RAB27B: variants seen among roughly 807,000 people sequenced by gnomAD.
RAB27B encodes the protein RAB27B, member RAS oncogene family.
Under a neutral mutation model 24.6 loss-of-function variants are expected in RAB27B, and 15 were observed. That is an observed-to-expected ratio of 0.61 (90% CI 0.41 to 0.94). The LOEUF is 0.94. Ranked by LOEUF, RAB27B falls within the 40% of genes least tolerant of loss-of-function variation. The pLI is 0.00. For synonymous variants in RAB27B, 105 were observed against 92.5 expected, an observed-to-expected ratio of 1.14 and a Z score of -0.78; for missense variants, 261 against 266.8, an observed-to-expected ratio of 0.98 and a Z score of 0.15.
chr18:54,850,898 T>C (rs1424289411), intron 1 of RAB27B, among the ~76,000 whole-genome samples: 1 of 151,996 alleles, frequency 6.6e-6, no homozygotes, highest in Non-Finnish European at 1.5e-5. Flanking sequence ...AAAAGGGCTG[T>C]GGATTTTGAC....
chr18:54,893,121 G>A lies in RAB27B; in HGVS notation c.*3708G>A, dbSNP rs1568120933. ...CTGGTGCAGTGGTGAGTTAATCATAGTGTATAACCTTGTGTTCATGAAACA... is the reference window on the plus strand; with the variant it reads ...CTGGTGCAGTGGTGAGTTAATCATAATGTATAACCTTGTGTTCATGAAACA... On this transcript the variant is annotated 3_prime_UTR_variant, in exon 6 of 6. Coordinates refer to ENST00000262094, the MANE Select transcript of RAB27B (RefSeq NM_004163.4). 1 of 152,020 alleles carries A rather than the reference G, an allele frequency of 6.6e-6. No individual in the cohort carries two copies. Among genetic ancestry groups the A allele is most frequent in the Non-Finnish European group, 1.5e-5 (1 of 67,926 alleles). The allele number at this position is 152,020 out of a possible 1,614,324, so 9.4% of individuals were successfully genotyped here.
intron 1 of RAB27B, among the ~76,000 whole-genome samples, chr18:54,861,670 A>G (rs1393466446): frequency 6.6e-6 from 1 of 152,220 alleles, no homozygotes; most frequent in East Asian, 1.9e-4. Context: ...CCCTGGCTAC[A>G]TGTTGGAATC....
At position 54,891,438 on chromosome 18, in the gene RAB27B, A is replaced by C. The variant is rs765422930; in HGVS notation, c.*2025A>C. The C allele has an allele frequency of 6.6e-6, 1 of 152,048 alleles. No homozygotes were observed. The highest frequency in any genetic ancestry group is 1.9e-4 in the East Asian group (1 of 5,180). The allele number at this position is 152,048 out of a possible 1,614,324, so 9.4% of individuals were successfully genotyped here. On this transcript the variant is annotated 3_prime_UTR_variant, in exon 6 of 6. Transcript: ENST00000262094. Reference sequence around the variant, plus strand: ...TCTTCATTATCTCAATGCCTGTGCCATGAAGATAGAAAACTGTAAGCTAAC... The same window carrying C: ...TCTTCATTATCTCAATGCCTGTGCCCTGAAGATAGAAAACTGTAAGCTAAC...
chr18:54,759,422 T>A (rs1305438585), intron 2 of RAB27B, among the ~76,000 whole-genome samples: 1 of 152,186 alleles, frequency 6.6e-6, no homozygotes, highest in Admixed American at 6.5e-5. Flanking sequence ...AATGAAGGCA[T>A]TCGATGGTGA....
chr18:54,861,286 T>C (rs1911998540), intron 1 of RAB27B, among the ~76,000 whole-genome samples: 2 of 152,256 alleles, frequency 1.3e-5, no homozygotes, highest in African/African-American at 4.8e-5. Flanking sequence ...ATATCTTTAA[T>C]TTAAAACCAA....
chr18:54,776,518 T>C (rs191918698), intron 2 of RAB27B, among the ~76,000 whole-genome samples: 14 of 152,294 alleles, frequency 9.2e-5, no homozygotes, highest in African/African-American at 1.4e-4. Context: ...TTTTAGGAGA[T>C]TGCAAAACCA....
chr18:54,796,728 G>T (rs1324020887), intron 2 of RAB27B, among the ~76,000 whole-genome samples: 1 of 152,206 alleles, frequency 6.6e-6, no homozygotes, highest in South Asian at 2.1e-4. Flanking sequence ...GGGCATGGAA[G>T]GCCAGAGTGG....
At chr18:54,850,330 C>T (rs1911510283) in intron 1 of RAB27B, among the ~76,000 whole-genome samples, 1 of 40,602 alleles carries the variant, frequency 2.5e-5, no homozygotes, top group African/African-American at 1.3e-4. Flanking sequence ...AGCAAACAAA[C>T]AGGATATATA....
chr18:54,891,008 A>G lies in RAB27B; in HGVS notation c.*1595A>G, dbSNP rs1913346225. On this transcript the variant is annotated 3_prime_UTR_variant, in exon 6 of 6. Coordinates refer to ENST00000262094, the MANE Select transcript of RAB27B (RefSeq NM_004163.4). Reference sequence around the variant, plus strand: ...TTTCGTTTTTTTTTATTATGAGCATATGATTTTTTGACAGGCTGTTTCCTC... The same window carrying G: ...TTTCGTTTTTTTTTATTATGAGCATGTGATTTTTTGACAGGCTGTTTCCTC... 6.6e-6 allele frequency: 1 copy of G among 151,388 alleles called. No individual in the cohort carries two copies. Among genetic ancestry groups the G allele is most frequent in the African/African-American group, 2.4e-5 (1 of 41,228 alleles). 9.4% of individuals were successfully genotyped at this position (151,388 alleles called of 1,614,324 possible).
chr18:54,834,808 T>C lies in RAB27B; in HGVS notation c.-20+6108T>C, dbSNP rs147841230. ...AAAGCATAAGACTTTATTTTAGTCCTCTTTCTGGCTTCGTTCTAGCACATA... is the reference window on the plus strand; with the variant it reads ...AAAGCATAAGACTTTATTTTAGTCCCCTTTCTGGCTTCGTTCTAGCACATA... On this transcript the variant is annotated intron_variant, in intron 1 of 5. Coordinates refer to ENST00000262094, the MANE Select transcript of RAB27B (RefSeq NM_004163.4). Among the ~76,000 whole-genome samples, 1,092 of 152,086 alleles carry C rather than the reference T, an allele frequency of 7.2e-3. 14 individuals carry two copies. Among genetic ancestry groups the C allele is most frequent in the Non-Finnish European group, 0.013 (866 of 67,978 alleles).
At chr18:54,865,342 T>C (rs1011220251) in intron 1 of RAB27B, among the ~76,000 whole-genome samples, 1 of 151,750 alleles carries the variant, frequency 6.6e-6, no homozygotes, top group Non-Finnish European at 1.5e-5. Context: ...GTGGAAACTA[T>C]GTTAGTTGGT....
chr18:54,851,429 A>G (rs1026461531), intron 1 of RAB27B, among the ~76,000 whole-genome samples: 1 of 152,206 alleles, frequency 6.6e-6, no homozygotes, highest in Non-Finnish European at 1.5e-5. Context: ...TATCTTATGC[A>G]TATAAAAACA....
intron 2 of RAB27B, among the ~76,000 whole-genome samples, chr18:54,748,417 A>G (rs1039700074): frequency 2.0e-5 from 3 of 152,230 alleles, no homozygotes; most frequent in Non-Finnish European, 2.9e-5. Flanking sequence ...TATTAATAAA[A>G]TACAACCATT....
rs7229340 is a variant in RAB27B, at chr18:54,821,656, A to T, written c.-19-55911A>T. ...GCATCACGCCACCTGACTTCAAATT[A>T]TAAGGTTTATTGACATTATTTCCCA... is the stretch of plus-strand genomic sequence containing the variant. On this transcript the variant is annotated intron_variant, in intron 2 of 4. Coordinates refer to the RAB27B transcript ENST00000586570. Among the ~76,000 whole-genome samples, 1,025 of 152,362 alleles carry T rather than the reference A, an allele frequency of 6.7e-3. 6 individuals carry two copies. The highest frequency in any genetic ancestry group is 0.024 in the African/African-American group (994 of 41,578).
At chr18:54,825,749 T>A (rs1303131926), upstream of RAB27B, among the ~76,000 whole-genome samples, 1 of 152,232 alleles carries the variant, frequency 6.6e-6, no homozygotes, top group Non-Finnish European at 1.5e-5. Context: ...ATTGAGCAGA[T>A]GGAGGAACTT....
At chr18:54,744,192 C>G (rs1210215347) in intron 2 of RAB27B, among the ~76,000 whole-genome samples, 1 of 152,124 alleles carries the variant, frequency 6.6e-6, no homozygotes. Flanking sequence ...TCATATTGGA[C>G]CCATTCAAAA....
intron 1 of RAB27B, among the ~76,000 whole-genome samples, chr18:54,852,770 G>T (rs907493529): frequency 6.6e-6 from 1 of 152,176 alleles, no homozygotes; most frequent in Non-Finnish European, 1.5e-5. Context: ...CCCTCAAGTT[G>T]TGTGTATATC....
intron 2 of RAB27B, among the ~76,000 whole-genome samples, chr18:54,803,784 G>A (rs1909683292): frequency 6.6e-6 from 1 of 152,158 alleles, no homozygotes; most frequent in Admixed American, 6.5e-5. Context: ...CAACTGGGGG[G>A]ATGATGGAAC....
chr18:54,796,071 T>C (rs920176455), intron 2 of RAB27B, among the ~76,000 whole-genome samples: 1 of 152,250 alleles, frequency 6.6e-6, no homozygotes, highest in African/African-American at 2.4e-5. Flanking sequence ...TCTATTACTA[T>C]AGACTGGTGA....
Sources: allele counts gnomAD v4.1 joint callset (sites outside exome capture counted in the v4.1 genomes callset), GRCh38; gene constraint gnomAD v4.1.1; transcripts MANE v1.5; gene names NCBI Gene and HGNC (gene_info 2026-07-23, HGNC 2026-07-21).